The following PDGFC variants were observed in gnomAD, a reference collection of about 807,000 sequenced individuals.
PDGFC encodes the protein platelet-derived growth factor C.
In PDGFC, 12 loss-of-function variants were observed where a neutral mutation model predicts 35.5. The observed-to-expected ratio is 0.34, with a 90% CI of 0.22 to 0.55. The LOEUF is 0.55. PDGFC is among the 20% of genes least tolerant of loss of function. PDGFC has a pLI of 0.91. For missense variants in PDGFC, 322 were observed against 412.4 expected, an observed-to-expected ratio of 0.78 and a Z score of 1.90; for synonymous variants, 159 against 148.8, an observed-to-expected ratio of 1.07 and a Z score of -0.50.
intron 3 of PDGFC, among the ~76,000 whole-genome samples, chr4:156,773,166 T>C (rs1020460699): frequency 1.3e-5 from 2 of 152,210 alleles, no homozygotes; most frequent in East Asian, 3.8e-4. Flanking sequence ...TAAAAATATC[T>C]TCATGGTTCA....
chr4:156,932,551 G>C (rs1451617268), intron 1 of PDGFC, among the ~76,000 whole-genome samples: 1 of 151,986 alleles, frequency 6.6e-6, no homozygotes, highest in African/African-American at 2.4e-5. Context: ...ATATACCATG[G>C]AATACTATGC....
intron 1 of PDGFC, among the ~76,000 whole-genome samples, chr4:156,923,167 C>T (rs1731327712): frequency 6.6e-6 from 1 of 152,110 alleles, no homozygotes; most frequent in Non-Finnish European, 1.5e-5. Context: ...GCTAGCCTCT[C>T]CAGTTGATCC....
At chr4:156,774,857 C>T (rs1730785788) in intron 3 of PDGFC, among the ~76,000 whole-genome samples, 2 of 151,868 alleles carry the variant, frequency 1.3e-5, no homozygotes, top group South Asian at 4.2e-4. Flanking sequence ...TTTTGTATAT[C>T]TGAGGTTTAT....
Position 156,761,358 on chromosome 4 carries a change from A to G in PDGFC, c.*1732T>C, listed in dbSNP as rs1730371869. ...CATACTACCATACCACCTATCACCA[A>G]GCATTTCATAAACCATACAACTTTC... On this transcript the variant is annotated 3_prime_UTR_variant, in exon 6 of 6. Transcript: ENST00000502773. 1 of 152,204 alleles carries G rather than the reference A, an allele frequency of 6.6e-6. No individual in the cohort carries two copies. The highest frequency in any genetic ancestry group is 6.5e-5 in the Admixed American group (1 of 15,276). The allele number at this position is 152,204 out of a possible 1,614,324, so 9.4% of individuals were successfully genotyped here.
chr4:156,917,329 A>G (rs1164825051), intron 1 of PDGFC, among the ~76,000 whole-genome samples: 1 of 152,196 alleles, frequency 6.6e-6, no homozygotes, highest in Non-Finnish European at 1.5e-5. Flanking sequence ...AGCCCTAGAA[A>G]AACTATTCAT....
chr4:156,969,844 A>C (rs1160979217), intron 1 of PDGFC, among the ~76,000 whole-genome samples: 1 of 152,238 alleles, frequency 6.6e-6, no homozygotes, highest in Non-Finnish European at 1.5e-5. Flanking sequence ...AGACAGCCTA[A>C]CATGAACATT....
At chr4:156,868,155 A>C (rs1729889255) in intron 1 of PDGFC, among the ~76,000 whole-genome samples, 1 of 152,240 alleles carries the variant, frequency 6.6e-6, no homozygotes, top group Non-Finnish European at 1.5e-5. Flanking sequence ...GTAATGTGAT[A>C]AAAGGAGATT....
intron 1 of PDGFC, among the ~76,000 whole-genome samples, chr4:156,926,445 G>A (rs140999447): frequency 2.4e-4 from 36 of 152,112 alleles, no homozygotes; most frequent in African/African-American, 6.3e-4. Context: ...CTCTTCCCTC[G>A]GACTTCTTCC....
At chr4:156,807,074 G>C (rs1731790117) in intron 3 of PDGFC, among the ~76,000 whole-genome samples, 1 of 151,044 alleles carries the variant, frequency 6.6e-6, no homozygotes, top group African/African-American at 2.4e-5. Context: ...TAACTCCTTA[G>C]GCACAATCAT....
At chr4:156,953,284 C>T (rs1732125149) in intron 1 of PDGFC, among the ~76,000 whole-genome samples, 1 of 151,882 alleles carries the variant, frequency 6.6e-6, no homozygotes, top group South Asian at 2.1e-4. Context: ...AGGACCACCT[C>T]TCAAAGAGCC....
intron 2 of PDGFC, among the ~76,000 whole-genome samples, chr4:156,811,833 T>C (rs1465374485): frequency 6.6e-6 from 1 of 152,036 alleles, no homozygotes; most frequent in East Asian, 1.9e-4. Flanking sequence ...ACATTTTAGG[T>C]TGTCTCAATA....
At chr4:156,937,322 G>A (rs899694789) in intron 1 of PDGFC, among the ~76,000 whole-genome samples, 6 of 152,008 alleles carry the variant, frequency 3.9e-5, no homozygotes, top group Middle Eastern at 3.2e-3. Context: ...TCTTTCCACC[G>A]CAAACCCAAT....
At chr4:156,830,517 A>T (rs1189198719) in intron 2 of PDGFC, among the ~76,000 whole-genome samples, 1 of 151,046 alleles carries the variant, frequency 6.6e-6, no homozygotes, top group Non-Finnish European at 1.5e-5. Flanking sequence ...CATTTTGGTC[A>T]TTTAGTCACT....
chr4:156,965,892 C>G (rs17035469), intron 1 of PDGFC, among the ~76,000 whole-genome samples: 1 of 151,834 alleles, frequency 6.6e-6, no homozygotes, highest in Non-Finnish European at 1.5e-5. Flanking sequence ...ACAATCAGTA[C>G]GGCAGGAACA....
At chr4:156,892,770 A>G (rs1194650001) in intron 1 of PDGFC, among the ~76,000 whole-genome samples, 3 of 152,252 alleles carry the variant, frequency 2.0e-5, no homozygotes, top group South Asian at 2.1e-4. Flanking sequence ...ATTGAACTGC[A>G]TAAGCATGTT....
intron 2 of PDGFC, among the ~76,000 whole-genome samples, chr4:156,837,701 C>G (rs1729095789): frequency 6.6e-6 from 1 of 152,006 alleles, no homozygotes; most frequent in Non-Finnish European, 1.5e-5. Flanking sequence ...ATCAAACAGA[C>G]AAGCTAGAGA....
chr4:156,801,533 G>A (rs937530707), intron 3 of PDGFC, among the ~76,000 whole-genome samples: 1 of 152,128 alleles, frequency 6.6e-6, no homozygotes, highest in Non-Finnish European at 1.5e-5. Context: ...CCTACTAGGG[G>A]TTATTTTATC....
chr4:156,849,739 T>C (rs979561850), intron 2 of PDGFC, among the ~76,000 whole-genome samples: 10 of 152,118 alleles, frequency 6.6e-5, no homozygotes, highest in Admixed American at 5.2e-4. Flanking sequence ...TGTGATGTAA[T>C]ATTCAAACTT....
intron 1 of PDGFC, among the ~76,000 whole-genome samples, chr4:156,856,779 T>C (rs1729594122): frequency 2.0e-5 from 3 of 152,116 alleles, no homozygotes; most frequent in Admixed American, 2.0e-4. Flanking sequence ...AAAGATAATA[T>C]GATTTACAAT....
Sources: allele counts gnomAD v4.1 joint callset (sites outside exome capture counted in the v4.1 genomes callset), GRCh38; gene constraint gnomAD v4.1.1; transcripts MANE v1.5; gene names NCBI Gene and HGNC (gene_info 2026-07-23, HGNC 2026-07-21).